XKR6: variants seen among roughly 807,000 people sequenced by gnomAD.
The protein encoded by XKR6 is XK related 6.
A neutral mutation model predicts 56.7 loss-of-function variants in XKR6; 22 were observed. The observed-to-expected ratio is 0.39, with a 90% CI of 0.28 to 0.55. XKR6 has a LOEUF of 0.55. Ranked by LOEUF, XKR6 falls within the 20% of genes least tolerant of loss-of-function variation. XKR6 has a pLI of 0.66. For missense variants in XKR6, 852 were observed against 889.0 expected, an observed-to-expected ratio of 0.96 and a Z score of 0.53; for synonymous variants, 524 against 387.8, an observed-to-expected ratio of 1.35 and a Z score of -4.13.
chr8:10,950,871 T>C (rs1286955817), intron 1 of XKR6, among the ~76,000 whole-genome samples: 17 of 152,136 alleles, frequency 1.1e-4, no homozygotes, highest in Admixed American at 1.1e-3. Flanking sequence ...GCCTCACAAT[T>C]GCCCATTGCA....
intron 1 of XKR6, among the ~76,000 whole-genome samples, chr8:11,195,471 C>T (rs1488848940): frequency 7.2e-5 from 11 of 152,120 alleles, no homozygotes; most frequent in African/African-American, 1.2e-4. Context: ...TTCTCCTTTG[C>T]GAACTATCTG....
intron 1 of XKR6, among the ~76,000 whole-genome samples, chr8:10,963,688 G>C (rs572238692): frequency 6.6e-6 from 1 of 151,772 alleles, no homozygotes; most frequent in South Asian, 2.1e-4. Context: ...GGGACCACAG[G>C]TAAATGCCAT....
intron 1 of XKR6, among the ~76,000 whole-genome samples, chr8:11,192,135 T>C (rs1220895595): frequency 6.6e-6 from 1 of 151,934 alleles, no homozygotes; most frequent in African/African-American, 2.4e-5. Context: ...CTGGGCAATA[T>C]AGCAAGACCC....
At chr8:10,922,974 G>C (rs907398642) in intron 2 of XKR6, among the ~76,000 whole-genome samples, 51 of 152,174 alleles carry the variant, frequency 3.4e-4, no homozygotes, top group African/African-American at 1.2e-3. Flanking sequence ...GCACCAGCTG[G>C]GCTGTCACTC....
chr8:11,074,118 C>G (rs1800204827), intron 1 of XKR6, among the ~76,000 whole-genome samples: 1 of 152,248 alleles, frequency 6.6e-6, no homozygotes, highest in Non-Finnish European at 1.5e-5. Context: ...TTCAAAGACG[C>G]AGCTTTGAGC....
Position 10,924,820 on chromosome 8 carries a change from T to C in XKR6, c.775A>G (p.Thr259Ala). 6.2e-7 allele frequency: 1 copy of C among 1,613,512 alleles called. No homozygotes were observed. Among genetic ancestry groups the C allele is most frequent in the Non-Finnish European group, 8.5e-7 (1 of 1,179,786 alleles). The stretch of plus-strand genomic sequence containing the variant: ...TGGCTCTGAATCCCCAGGTACATGG[T>C]GCGGATATACCTGCCCAGAGAGATG... Reference protein sequence around the residue: ...QMGQVWRYIRTMYLGIQSQRR... With the variant: ...QMGQVWRYIRAMYLGIQSQRR... The change falls in exon 2 of 3, where the codon ACC becomes GCC. Residue 259 changes from threonine (T) to alanine (A), a missense_variant. Thr to Ala is a moderately conservative substitution (Grantham distance 58). Around this residue, in one of 4 missense-constraint regions of XKR6, gnomAD observed 199 missense variants for 280.4 expected, o/e 0.71. Transcript: ENST00000416569.
chr8:11,051,978 G>A (rs1162916903), intron 1 of XKR6, among the ~76,000 whole-genome samples: 1 of 152,184 alleles, frequency 6.6e-6, no homozygotes, highest in Non-Finnish European at 1.5e-5. Flanking sequence ...GTGTGCCATG[G>A]TGGTTTGCTG....
At chr8:11,148,633 T>A (rs1586616508) in intron 1 of XKR6, among the ~76,000 whole-genome samples, 1 of 152,200 alleles carries the variant, frequency 6.6e-6, no homozygotes, top group Non-Finnish European at 1.5e-5. Context: ...TTTTAAAACC[T>A]TAAACATATA....
intron 1 of XKR6, among the ~76,000 whole-genome samples, chr8:11,134,570 G>A (rs374638537): frequency 6.6e-6 from 1 of 152,100 alleles, no homozygotes; most frequent in African/African-American, 2.4e-5. Flanking sequence ...TTAGGAAACT[G>A]AAACACAGAA....
At chr8:10,906,032 G>A (rs1453813451) in intron 2 of XKR6, among the ~76,000 whole-genome samples, 2 of 152,164 alleles carry the variant, frequency 1.3e-5, no homozygotes, top group Non-Finnish European at 2.9e-5. Flanking sequence ...GCTCAAAGCC[G>A]TTAAATAACC....
intron 1 of XKR6, among the ~76,000 whole-genome samples, chr8:11,179,898 C>A (rs903773791): frequency 1.3e-5 from 2 of 152,068 alleles, no homozygotes; most frequent in South Asian, 2.1e-4. Context: ...TTTGGGAGGC[C>A]GATGTAGGGG....
At chr8:11,142,140 C>G (rs1007347036) in intron 1 of XKR6, among the ~76,000 whole-genome samples, 1 of 152,100 alleles carries the variant, frequency 6.6e-6, no homozygotes, top group African/African-American at 2.4e-5. Flanking sequence ...CATTTCAGCC[C>G]TCTCTACTGG....
At chr8:10,974,808 G>C (rs77254633) in intron 1 of XKR6, among the ~76,000 whole-genome samples, 5,084 of 152,304 alleles carry the variant, frequency 0.033, 121 homozygotes, top group Middle Eastern at 0.061. Flanking sequence ...GGGAACTCCT[G>C]GGCTCCTGGG....
intron 1 of XKR6, among the ~76,000 whole-genome samples, chr8:10,967,803 C>A (rs549043601): frequency 6.6e-6 from 1 of 152,154 alleles, no homozygotes; most frequent in African/African-American, 2.4e-5. Context: ...CTGCTCCTGG[C>A]GGGTGGGGTG....
intron 1 of XKR6, among the ~76,000 whole-genome samples, chr8:11,045,423 T>G (rs1223608893): frequency 6.6e-6 from 1 of 152,210 alleles, no homozygotes; most frequent in Non-Finnish European, 1.5e-5. Context: ...TATATCAATC[T>G]GATTTTGATT....
At chr8:11,059,548 C>G (rs1158175894) in intron 1 of XKR6, among the ~76,000 whole-genome samples, 1 of 151,938 alleles carries the variant, frequency 6.6e-6, no homozygotes, top group African/African-American at 2.4e-5. Flanking sequence ...CCCGGCCCGG[C>G]GAGCGACAAG....
At chr8:11,028,166 C>G (rs569167207) in intron 1 of XKR6, among the ~76,000 whole-genome samples, 21 of 152,284 alleles carry the variant, frequency 1.4e-4, no homozygotes, top group African/African-American at 4.1e-4. Context: ...TATTTACTCT[C>G]TTTATAGTTT....
At chr8:11,193,285 T>C (rs919045865) in intron 1 of XKR6, among the ~76,000 whole-genome samples, 1 of 152,236 alleles carries the variant, frequency 6.6e-6, no homozygotes, top group Non-Finnish European at 1.5e-5. Context: ...ACAAAAATTA[T>C]TTTTTAAACC....
intron 1 of XKR6, among the ~76,000 whole-genome samples, chr8:11,036,083 A>T (rs969440271): frequency 2.0e-5 from 3 of 151,340 alleles, no homozygotes; most frequent in Non-Finnish European, 4.4e-5. Flanking sequence ...AACTGGGACC[A>T]CAGATACCCA....
Sources: allele counts gnomAD v4.1 joint callset (sites outside exome capture counted in the v4.1 genomes callset), GRCh38; gene constraint gnomAD v4.1.1; regional missense constraint gnomAD v4.1.1; transcripts MANE v1.5; gene names NCBI Gene and HGNC (gene_info 2026-07-23, HGNC 2026-07-21).